The following TTN variants were observed in gnomAD, a reference collection of about 807,000 sequenced individuals.
TTN encodes the protein connectin.
TTN carries 1,525 observed loss-of-function variants against 3,223.0 expected under a neutral mutation model. The observed-to-expected ratio is 0.47, with a 90% CI of 0.45 to 0.49. The LOEUF (loss-of-function observed/expected upper bound fraction) is 0.49, where lower values mean the gene tolerates loss of function less well. Among genes scored for constraint, TTN ranks in the 20% least tolerant of loss-of-function variants. The probability of loss-of-function intolerance (pLI) is 0.00; values close to 1 mark genes in which losing one functional copy is unlikely to be tolerated. For synonymous variants in TTN, 14,094 were observed against 15,161.0 expected, an observed-to-expected ratio of 0.93 and a Z score of 5.17; for missense variants, 40,786 against 43,424.0, an observed-to-expected ratio of 0.94 and a Z score of 5.40.
At position 178,589,666 on chromosome 2, in the gene TTN, G is replaced by C. The variant is rs76587526; in HGVS notation, c.62059C>G (p.Leu20687Val). 2.0e-5 allele frequency: 33 copies of C among 1,613,472 alleles called. No individual in the cohort carries two copies. Among genetic ancestry groups the C allele is most frequent in the Non-Finnish European group, 2.6e-5 (31 of 1,179,606 alleles). The change falls in exon 304 of 363, where the codon CTA (leucine) becomes GTA (valine). Residue 20687 changes from leucine (L) to valine (V), a missense_variant. Physicochemically the swap from Leu to Val is conservative, Grantham distance 32. Transcript: ENST00000589042. ...IADKGKTFVY[L>V]KWRRPDYDGG... Reference sequence around the variant, plus strand: ...TCATAGTCAGGCCTCCGCCACTTTAGATAGACAAATGTCTTTCCTTTATCT... The same window carrying C: ...TCATAGTCAGGCCTCCGCCACTTTACATAGACAAATGTCTTTCCTTTATCT...
rs781740874 is a variant in TTN, at chr2:178,723,603, A to C, written c.21497T>G (p.Phe7166Cys). ...GGCACCTCTGAACCAGTTGACTTTG[A>C]ATGGAGGGGTTCCTCTAATAACGCT... ...FTSVIRGTPPFKVNWFRGARE... is the reference protein window; with the variant it reads ...FTSVIRGTPPCKVNWFRGARE... The change falls in exon 74 of 363, where the codon TTC (phenylalanine) becomes TGC (cysteine). Residue 7166 changes from phenylalanine (F) to cysteine (C), a missense_variant. Phe to Cys is a radical substitution (Grantham distance 205). Transcript: ENST00000589042. 5.6e-6 allele frequency: 9 copies of C among 1,613,092 alleles called. No individual in the cohort carries two copies. The highest frequency in any genetic ancestry group is 6.8e-6 in the Non-Finnish European group (8 of 1,179,542).
chr2:178,576,957 T>C lies in TTN; in HGVS notation c.69378A>G (p.Val23126=), dbSNP rs1439049717. Reference sequence around the variant, plus strand: ...CTACCATTTTGACAGGTTCAGACTGTACAGGTTCTCCTTTGCCATAGTGGT... The same window carrying C: ...CTACCATTTTGACAGGTTCAGACTGCACAGGTTCTCCTTTGCCATAGTGGT... The part of the protein sequence containing the change: ...AVNHYGKGEP[V]QSEPVKMVDR... The change falls in exon 324 of 363, where the codon GTA becomes GTG. Residue 23126 remains valine (V), a synonymous_variant. Transcript: ENST00000589042. The surrounding 1 kb of genome is among the most constrained non-coding windows in gnomAD (Gnocchi z 4.3). 3.7e-6 allele frequency: 6 copies of C among 1,613,476 alleles called. No homozygotes were observed. In the East Asian group the frequency reaches 8.9e-5, roughly 24 times the overall value.
At chr2:178,768,556 G>T (rs1561203041) in intron 38 of TTN, 117 bp downstream of exon 38, 4 of 1,433,964 alleles carry the variant, frequency 2.8e-6, no homozygotes, top group African/African-American at 2.8e-5. Context: ...ATTGCTGAAT[G>T]ATATCCCATC....
chr2:178,559,775 A>G lies in TTN; in HGVS notation c.86357T>C (p.Val28786Ala). 6.2e-7 allele frequency: 1 copy of G among 1,604,488 alleles called. No individual in the cohort carries two copies. Among genetic ancestry groups the G allele is most frequent in the Non-Finnish European group, 8.5e-7 (1 of 1,175,440 alleles). Residue 28786 changes from valine to alanine, a missense_variant, in exon 326 of 363, where the codon GTC becomes GCC. Physicochemically the swap from Val to Ala is moderately conservative, Grantham distance 64. Coordinates refer to ENST00000589042, the MANE Select transcript of TTN (RefSeq NM_001267550.2). ...GTCAGTGTCTGGCTTACTCCACAAG[A>G]CATTGGGTACTGGTCTTCCTCGGAA... ...VPFRGRPVPN[V>A]LWSKPDTDLR... is the part of the protein sequence containing the mutation.
intron 223 of TTN, among the ~76,000 whole-genome samples, chr2:178,639,286 C>T (rs1166923251): frequency 6.6e-6 from 1 of 152,000 alleles, no homozygotes; most frequent in Admixed American, 6.6e-5. Context: ...AGAACTTTTA[C>T]ATTATCCCAA....
intron 212 of TTN, 68 bp from the exon 213 acceptor site, chr2:178,649,399 A>G: frequency 9.7e-6 from 13 of 1,336,812 alleles, no homozygotes; most frequent in Non-Finnish European, 1.3e-5. Context: ...AGAATAAAAA[A>G]CCTGTATTTA....
intron 110 of TTN, 33 bp from the exon 111 acceptor site, chr2:178,701,236 T>G: frequency 1.3e-6 from 2 of 1,576,248 alleles, no homozygotes; most frequent in Non-Finnish European, 1.7e-6. Flanking sequence ...GTAACATGTT[T>G]TAGTTTCTTA....
At position 178,633,290 on chromosome 2, in the gene TTN, A is replaced by G; in HGVS notation, c.42983T>C (p.Val14328Ala). The change falls in exon 233 of 363, where the codon GTA (valine) becomes GCA (alanine). Residue 14328 changes from valine (V) to alanine (A), a missense_variant. Transcript: ENST00000589042. The part of the protein sequence containing the change: ...LIKVEKPLYG[V>A]EVFVGETAHF... ...GGCTGTTTCACCAACAAACACCTCT[A>G]CTCCGTACAGAGGCTTTTCCACTTT... is the stretch of plus-strand genomic sequence containing the variant. The G allele has an allele frequency of 1.2e-6, 2 of 1,613,258 alleles. No homozygotes were observed. Among genetic ancestry groups the G allele is most frequent in the Non-Finnish European group, 1.7e-6 (2 of 1,179,502 alleles).
chr2:178,613,281 A>G lies in TTN; in HGVS notation c.49533-5T>C. On this transcript the variant is annotated splice_region_variant and splice_polypyrimidine_tract_variant and intron_variant, in intron 263 of 362. Coordinates refer to ENST00000589042, the MANE Select transcript of TTN (RefSeq NM_001267550.2). The stretch of plus-strand genomic sequence containing the variant: ...TTATTAGTGAGACCTTTCACTCTGA[A>G]TTAGGAACAAAGTGCATGTGTATCA... 1 of 1,601,712 alleles carries G rather than the reference A, an allele frequency of 6.2e-7. No individual in the cohort carries two copies. The highest frequency in any genetic ancestry group is 8.5e-7 in the Non-Finnish European group (1 of 1,172,758).
In TTN at chr2:178,579,402, T is replaced by C. The variant is rs2047164551; in HGVS notation, c.67637-9A>G. On this transcript the variant is annotated splice_polypyrimidine_tract_variant and intron_variant, in intron 319 of 362. Coordinates refer to ENST00000589042, the MANE Select transcript of TTN (RefSeq NM_001267550.2). The stretch of plus-strand genomic sequence containing the variant: ...GTCAAGATCAGGAGCCACTGTAAAA[T>C]AGCAGAGATAAATTACTGTTATTTT... 6.4e-7 allele frequency: 1 copy of C among 1,556,580 alleles called. No individual in the cohort carries two copies. Among genetic ancestry groups the C allele is most frequent in the Admixed American group, 2.0e-5 (1 of 48,866 alleles).
intron 47 of TTN, chr2:178,747,650 A>G: frequency 6.2e-7 from 1 of 1,613,072 alleles, no homozygotes; most frequent in Non-Finnish European, 8.5e-7. Context: ...AGTTTCAGGA[A>G]CCTCACGCTT....
At position 178,562,325 on chromosome 2, in the gene TTN, A is replaced by G. The variant is rs774435769; in HGVS notation, c.83807T>C (p.Val27936Ala). ...LTAGEEYVFR[V>A]AAVNEKGRSD... ...TCTTCCCTTTTCGTTAACTGCAGCT[A>G]CCCTGAAGACATACTCTTCTCCTGC... Residue 27936 changes from valine to alanine, a missense_variant, in exon 326 of 363, where the codon GTA becomes GCA. Physicochemically the swap from Val to Ala is moderately conservative, Grantham distance 64. Coordinates refer to ENST00000589042, the MANE Select transcript of TTN (RefSeq NM_001267550.2). 8.1e-6 allele frequency: 13 copies of G among 1,612,452 alleles called. No individual in the cohort carries two copies. The South Asian group carries it at 1.4e-4, about 18-fold the overall frequency.
In TTN at chr2:178,571,680, T is replaced by C; in HGVS notation, c.74452A>G (p.Met24818Val). Residue 24818 changes from methionine to valine, a missense_variant, in exon 326 of 363, where the codon ATG becomes GTG. Transcript: ENST00000589042. ...ATACTATCAGCTGTCACTTCATCCA[T>C]TTTAACTGGTCCAGTTGGAGGCCCT... ...KPGPPTGPVK[M>V]DEVTADSITL... The C allele has an allele frequency of 1.9e-6, 3 of 1,613,476 alleles. No individual in the cohort carries two copies. The highest frequency in any genetic ancestry group is 1.7e-6 in the Non-Finnish European group (2 of 1,179,596).
chr2:178,688,555 C>G, intron 126 of TTN, 122 bp downstream of exon 126: 1 of 735,334 alleles, frequency 1.4e-6, no homozygotes, highest in East Asian at 2.6e-5. Flanking sequence ...CATTCTAATA[C>G]CAACATAAGG....
At chr2:178,583,558 A>G in intron 312 of TTN, 49 bp downstream of exon 312, 1 of 1,463,460 alleles carries the variant, frequency 6.8e-7, no homozygotes, top group Non-Finnish European at 9.1e-7. Flanking sequence ...AAAAATGACC[A>G]TCATGAATGC....
Position 178,706,596 on chromosome 2 carries a change from C to T in TTN, c.29278G>A (p.Asp9760Asn), listed in dbSNP as rs372537023. 7.4e-6 allele frequency: 12 copies of T among 1,613,876 alleles called. No homozygotes were observed. The highest frequency in any genetic ancestry group is 9.3e-6 in the Non-Finnish European group (11 of 1,179,846). ...KGDEAKLEIR[D>N]TTKTDSGLYR... is the part of the protein sequence containing the mutation. ...AACCCAGAATCAGTTTTTGTGGTGTCCCTAATCTCCAGTTTTGCTTCATCG... is the reference window on the plus strand; with the variant it reads ...AACCCAGAATCAGTTTTTGTGGTGTTCCTAATCTCCAGTTTTGCTTCATCG... The change falls in exon 102 of 363, where the codon GAC (aspartate) becomes AAC (asparagine). Residue 9760 changes from aspartate to asparagine, a missense_variant. By Grantham distance (23) the Asp-to-Asn change is conservative. Transcript: ENST00000589042.
In TTN at chr2:178,580,456, A is replaced by G; in HGVS notation, c.66923T>C (p.Leu22308Pro). Residue 22308 changes from leucine (L) to proline (P), a missense_variant, in exon 317 of 363, where the codon CTG (leucine) becomes CCG (proline). By Grantham distance (98) the Leu-to-Pro change is moderately conservative (BLOSUM62 -3). Coordinates refer to ENST00000589042, the MANE Select transcript of TTN (RefSeq NM_001267550.2). ...GTCAAAGTCAGTTGACTTTATGTCC[A>G]GTCCAATCCTGTCTCTTAGATTGAC... ...PNVNLRDRIG[L>P]DIKSTDFDTF... 1 of 1,613,170 alleles carries G rather than the reference A, an allele frequency of 6.2e-7. No individual in the cohort carries two copies. The highest frequency in any genetic ancestry group is 8.5e-7 in the Non-Finnish European group (1 of 1,179,444).
Position 178,678,332 on chromosome 2 carries a change from A to G in TTN, c.33910+82T>C, listed in dbSNP as rs72650047. ...CCAGATAGACACTTTAAAAATGTAC[A>G]ATGTAATGGGGAAATTTGTATGTGA... On this transcript the variant is annotated intron_variant, in intron 144 of 362. Transcript: ENST00000589042. 5,672 of 1,501,222 alleles carry G rather than the reference A, an allele frequency of 3.8e-3. 114 individuals carry two copies. In the African/African-American group the frequency reaches 0.055, roughly 15 times the overall value. 93.0% of individuals were successfully genotyped at this position (1,501,222 alleles called of 1,614,324 possible).
In TTN at chr2:178,634,930, G is replaced by C. The variant is rs2060244137; in HGVS notation, c.42025-81C>G. On this transcript the variant is annotated intron_variant, in intron 228 of 362. Transcript: ENST00000589042. The surrounding 1 kb of genome is among the most constrained non-coding windows in gnomAD (Gnocchi z 4.6). ...AGTGTTTCAGATACAAATTTCTATA[G>C]AGTTTTAAAAATTACTACTAATAAA... 2 of 1,493,584 alleles carry C rather than the reference G, an allele frequency of 1.3e-6. No individual in the cohort carries two copies. The highest frequency in any genetic ancestry group is 2.8e-5 in the African/African-American group (2 of 70,682). 92.5% of individuals were successfully genotyped at this position (1,493,584 alleles called of 1,614,324 possible).
Sources: allele counts gnomAD v4.1 joint callset (sites outside exome capture counted in the v4.1 genomes callset), GRCh38; gene constraint gnomAD v4.1.1; non-coding constraint Gnocchi (gnomAD v3.1); transcripts MANE v1.5; gene names NCBI Gene and HGNC (gene_info 2026-07-23, HGNC 2026-07-21).